The following SHISAL1 variants were observed in gnomAD, a reference collection of about 807,000 sequenced individuals.
SHISAL1 encodes the protein shisa like 1, also known as protein shisa-like-1.
Under a neutral mutation model 22.6 loss-of-function variants are expected in SHISAL1, and 9 were observed. The observed-to-expected ratio is 0.40, with a 90% CI of 0.24 to 0.70. The LOEUF is 0.70. Ranked by LOEUF, SHISAL1 falls within the 30% of genes least tolerant of loss-of-function variation. The probability of loss-of-function intolerance (pLI) is 0.39; values close to 1 mark genes in which losing one functional copy is unlikely to be tolerated. For synonymous variants in SHISAL1, 119 were observed against 115.4 expected, an observed-to-expected ratio of 1.03 and a Z score of -0.20; for missense variants, 246 against 270.6, an observed-to-expected ratio of 0.91 and a Z score of 0.64.
rs11090628 is a variant in SHISAL1 at position 44,296,974 on chromosome 22, T to C, written c.68-89A>G. On this transcript the variant is annotated intron_variant, in intron 2 of 4. Transcript: ENST00000381176. ...GGGGACTGGCCGGCCTCTTCTCAGGTCCTGCCTGCTTCTTCCCTCCCCTGG... is the reference window on the plus strand; with the variant it reads ...GGGGACTGGCCGGCCTCTTCTCAGGCCCTGCCTGCTTCTTCCCTCCCCTGG... 27,930 of 980,386 alleles carry C rather than the reference T, an allele frequency of 0.028. 4,819 individuals are homozygous for C. In the African/African-American group the frequency reaches 0.38, roughly 13 times the overall value. The allele number at this position is 980,386 out of a possible 1,614,324, so 60.7% of individuals were successfully genotyped here. A position where few individuals can be genotyped will look rare whatever the true frequency, so the allele number is the denominator to read the frequency against.
intron 4 of SHISAL1, among the ~76,000 whole-genome samples, chr22:44,252,055 A>G (rs1190565889): frequency 3.3e-5 from 5 of 152,234 alleles, no homozygotes; most frequent in African/African-American, 7.2e-5. Context: ...AATTTGTGTA[A>G]CTGTAGGACT....
At chr22:44,281,478 C>T (rs551947021) in intron 4 of SHISAL1, among the ~76,000 whole-genome samples, 39 of 151,940 alleles carry the variant, frequency 2.6e-4, no homozygotes, top group Non-Finnish European at 5.7e-4. Flanking sequence ...GGTAGTGCTG[C>T]CTCCTGCCGC....
chr22:44,276,349 G>A (rs2055239541), intron 4 of SHISAL1, among the ~76,000 whole-genome samples: 1 of 152,172 alleles, frequency 6.6e-6, no homozygotes, highest in African/African-American at 2.4e-5. Flanking sequence ...GAGGGACAGT[G>A]GGGTGCGGTG....
intron 4 of SHISAL1, among the ~76,000 whole-genome samples, chr22:44,271,434 G>A (rs28584938): frequency 0.47 from 70,730 of 151,942 alleles, 18,756 homozygotes; most frequent in Non-Finnish European, 0.61. Flanking sequence ...GGAAGTCCAA[G>A]CTGGAGGGTG....
chr22:44,315,149 C>A (rs1354175636), upstream of SHISAL1, among the ~76,000 whole-genome samples: 2 of 152,138 alleles, frequency 1.3e-5, no homozygotes, highest in Non-Finnish European at 1.5e-5. Context: ...ATAAAGAAGT[C>A]TTGGCAAGGA....
chr22:44,301,428 C>G (rs557810633), intron 1 of SHISAL1, among the ~76,000 whole-genome samples: 3 of 152,158 alleles, frequency 2.0e-5, no homozygotes, highest in East Asian at 1.9e-4. Flanking sequence ...AGGCAGCTTC[C>G]GAGGCACAAG....
chr22:44,301,600 C>G (rs2055429948), intron 1 of SHISAL1, among the ~76,000 whole-genome samples: 2 of 152,202 alleles, frequency 1.3e-5, no homozygotes, highest in Non-Finnish European at 2.9e-5. Flanking sequence ...GATACGTACA[C>G]ACACCCATGT....
intron 4 of SHISAL1, among the ~76,000 whole-genome samples, chr22:44,257,164 A>G (rs1013946287): frequency 6.6e-6 from 1 of 152,222 alleles, no homozygotes; most frequent in Non-Finnish European, 1.5e-5. Context: ...ACACATGCCT[A>G]TGGTACAGAT....
intron 3 of SHISAL1, 119 bp downstream of exon 3, chr22:44,296,553 A>G: frequency 1.2e-6 from 1 of 802,738 alleles, no homozygotes; most frequent in Non-Finnish European, 2.1e-6. Flanking sequence ...GACTCCTTCC[A>G]GGCCCACCCA....
At chr22:44,293,740 C>A (rs2055368316) in intron 3 of SHISAL1, among the ~76,000 whole-genome samples, 1 of 152,198 alleles carries the variant, frequency 6.6e-6, no homozygotes, top group Non-Finnish European at 1.5e-5. Flanking sequence ...TGCCAGGTAG[C>A]TGCAGCGGCA....
intron 4 of SHISAL1, among the ~76,000 whole-genome samples, chr22:44,267,593 C>T (rs1436967120): frequency 3.3e-5 from 5 of 152,192 alleles, no homozygotes; most frequent in East Asian, 3.9e-4. Context: ...TCCTCGAGGG[C>T]ACCCCTGTCC....
intron 4 of SHISAL1, among the ~76,000 whole-genome samples, chr22:44,277,798 T>G (rs1379397843): frequency 6.6e-6 from 1 of 152,160 alleles, no homozygotes; most frequent in Non-Finnish European, 1.5e-5. Context: ...AGCACAGCCA[T>G]TGCAGGGTGG....
intron 4 of SHISAL1, among the ~76,000 whole-genome samples, chr22:44,280,047 C>A (rs1275151760): frequency 6.6e-6 from 1 of 152,172 alleles, no homozygotes; most frequent in Non-Finnish European, 1.5e-5. Context: ...TGGGGCTAGG[C>A]AGCCTCCTCT....
intron 4 of SHISAL1, among the ~76,000 whole-genome samples, chr22:44,252,831 A>T (rs955335916): frequency 6.6e-6 from 1 of 151,500 alleles, no homozygotes; most frequent in African/African-American, 2.4e-5. Flanking sequence ...CGTCTCTACT[A>T]AAAATACAAA....
intron 4 of SHISAL1, among the ~76,000 whole-genome samples, chr22:44,254,469 C>A (rs1245423699): frequency 2.0e-5 from 3 of 151,976 alleles, no homozygotes; most frequent in African/African-American, 7.3e-5. Flanking sequence ...AAAGTGATTC[C>A]CCTGCCCTAG....
chr22:44,322,407 C>T, the SHISAL1 span, among the ~76,000 whole-genome samples: 2 of 152,180 alleles, frequency 1.3e-5, no homozygotes, highest in Non-Finnish European at 2.9e-5. Context: ...GACCGTGTGC[C>T]TCAGGTCTCC....
At chr22:44,315,001 A>C (rs182816813), upstream of SHISAL1, among the ~76,000 whole-genome samples, 192 of 152,326 alleles carry the variant, frequency 1.3e-3, 1 homozygote, top group African/African-American at 4.4e-3. Context: ...TTGAGAGTGC[A>C]TCTGGCTATA....
chr22:44,320,594 T>C, the SHISAL1 span, among the ~76,000 whole-genome samples: 3 of 152,252 alleles, frequency 2.0e-5, no homozygotes, highest in Non-Finnish European at 4.4e-5. Context: ...TCCAATTGTT[T>C]GAATTTCAGG....
intron 4 of SHISAL1, among the ~76,000 whole-genome samples, chr22:44,275,024 GCT>G (rs1173265597): frequency 6.6e-6 from 1 of 152,228 alleles, no homozygotes; most frequent in Non-Finnish European, 1.5e-5. Context: ...TCTGAACTCA[GCT>G]CTGATTCGAA....
Sources: allele counts gnomAD v4.1 joint callset (sites outside exome capture counted in the v4.1 genomes callset), GRCh38; gene constraint gnomAD v4.1.1; transcripts MANE v1.5; gene names NCBI Gene and HGNC (gene_info 2026-07-23, HGNC 2026-07-21).